Variants in GALNT18 observed in about 807,000 individuals in gnomAD.
The protein encoded by GALNT18 is polypeptide N-acetylgalactosaminyltransferase 18.
A neutral mutation model predicts 69.5 loss-of-function variants in GALNT18; 44 were observed. The ratio of observed to expected loss-of-function variants is 0.63; its 90% CI spans 0.50 to 0.81. The LOEUF (loss-of-function observed/expected upper bound fraction) is 0.81, where lower values mean the gene tolerates loss of function less well. GALNT18 is among the 40% of genes least tolerant of loss of function. The pLI is 0.00. For synonymous variants in GALNT18, 364 were observed against 318.2 expected, an observed-to-expected ratio of 1.14 and a Z score of -1.53; for missense variants, 715 against 810.0, an observed-to-expected ratio of 0.88 and a Z score of 1.42.
At chr11:11,478,519 A>T (rs4910356) in intron 1 of GALNT18, among the ~76,000 whole-genome samples, 1 of 152,074 alleles carries the variant, frequency 6.6e-6, no homozygotes, top group Non-Finnish European at 1.5e-5. Context: ...GCACCGAGGC[A>T]GGCCTGAGCA....
intron 3 of GALNT18, among the ~76,000 whole-genome samples, chr11:11,409,240 T>C (rs1854670610): frequency 6.6e-6 from 1 of 152,042 alleles, no homozygotes; most frequent in Non-Finnish European, 1.5e-5. Flanking sequence ...TCTCCCCAGC[T>C]CCCTGCTCAG....
chr11:11,327,326 A>G (rs554894051), intron 8 of GALNT18, 145 bp from the exon 9 acceptor site: 93 of 641,086 alleles, frequency 1.5e-4, no homozygotes, highest in African/African-American at 1.3e-3. Context: ...AGAACCAACA[A>G]GCACCAGCTT....
At position 11,300,611 on chromosome 11, in the gene GALNT18, T is replaced by C. The variant is rs570524295; in HGVS notation, c.1513-7418A>G. 5.9e-5 allele frequency among the ~76,000 whole-genome samples: 9 copies of C among 152,160 alleles called. No homozygotes were observed. In the South Asian group the frequency reaches 1.9e-3, roughly 32 times the overall value. ...TTAAGAGTCACACATAATGGGGTGA[T>C]TGCAAACTTTTACGATTGGACGGTT... is the stretch of plus-strand genomic sequence containing the variant. On this transcript the variant is annotated intron_variant, in intron 9 of 10. Transcript: ENST00000227756.
At chr11:11,532,262 G>T (rs1390791896) in intron 1 of GALNT18, among the ~76,000 whole-genome samples, 1 of 152,172 alleles carries the variant, frequency 6.6e-6, no homozygotes, top group Non-Finnish European at 1.5e-5. Context: ...ATCATTCATT[G>T]AGTACCTGAG....
In GALNT18 at chr11:11,618,512, A is replaced by C. The variant is rs1860113552; in HGVS notation, c.235+2847T>G. Among the ~76,000 whole-genome samples the C allele has an allele frequency of 6.6e-6, 1 of 152,194 alleles. No individual in the cohort carries two copies. The highest frequency in any genetic ancestry group is 1.5e-5 in the Non-Finnish European group (1 of 68,028). ...AAGGCTGCTGACTCCCTCACCCCTC[A>C]GCCATCCTCTGACACCCACTTCCAC... is the stretch of plus-strand genomic sequence containing the variant. On this transcript the variant is annotated intron_variant, in intron 1 of 10. Transcript: ENST00000227756. This position sits in a 1 kb window ranked among gnomAD's most constrained non-coding sequence, Gnocchi z 6.1.
rs16909410 is a variant in GALNT18, at chr11:11,315,455, T to C, written c.1512+11631A>G. ...TACGTTAGGCATGGGTCTTCATGGA[T>C]TCTCAAAGGGCTGCTGGAATGAAGG... On this transcript the variant is annotated intron_variant, in intron 9 of 10. Transcript: ENST00000227756. This position sits in a 1 kb window ranked among gnomAD's most constrained non-coding sequence, Gnocchi z 5.6. Among the ~76,000 whole-genome samples, 8,383 of 152,272 alleles carry C rather than the reference T, an allele frequency of 0.055. 286 individuals carry two copies. Among genetic ancestry groups the C allele is most frequent in the Middle Eastern group, 0.078 (23 of 294 alleles).
chr11:11,578,715 G>A (rs1375638931), intron 1 of GALNT18, among the ~76,000 whole-genome samples: 1 of 152,238 alleles, frequency 6.6e-6, no homozygotes, highest in Non-Finnish European at 1.5e-5. Flanking sequence ...CTGTGCGCAG[G>A]ACAAATGGGC....
At chr11:11,365,948 A>C (rs1000397901) in intron 6 of GALNT18, among the ~76,000 whole-genome samples, 4 of 152,190 alleles carry the variant, frequency 2.6e-5, no homozygotes, top group African/African-American at 7.2e-5. Flanking sequence ...TATGTACATA[A>C]ACCTAGATTT....
At chr11:11,284,908 G>GTTTTTTTGTTTTT (rs1849162154) in intron 10 of GALNT18, among the ~76,000 whole-genome samples, 1 of 82,822 alleles carries the variant, frequency 1.2e-5, no homozygotes, top group Non-Finnish European at 2.1e-5. Context: ...AGACTTTCGT[G>GTTTTTTTGTTTTT]TTTTTTTTTT....
Position 11,573,508 on chromosome 11 carries a change from T to C in GALNT18, c.235+47851A>G, listed in dbSNP as rs1409610897. 6.6e-6 allele frequency: 1 copy of C among 152,176 alleles called. No homozygotes were observed. Among genetic ancestry groups the C allele is most frequent in the East Asian group, 1.9e-4 (1 of 5,182 alleles). The allele number at this position is 152,176 out of a possible 1,614,324, so 9.4% of individuals were successfully genotyped here. On this transcript the variant is annotated intron_variant, in intron 1 of 10. Transcript: ENST00000227756. The surrounding 1 kb of genome is among the most constrained non-coding windows in gnomAD (Gnocchi z 4.6). ...AGCAACCATGCCAGACTAGGTCTTA[T>C]TTTCCTTATTTTACAGATGCAGAAC...
chr11:11,291,620 C>T (rs1307143946), intron 10 of GALNT18, among the ~76,000 whole-genome samples: 1 of 150,626 alleles, frequency 6.6e-6, no homozygotes, highest in East Asian at 1.9e-4. Context: ...ACCCCCGACA[C>T]TTTGCAGGGT....
At chr11:11,437,097 C>G (rs927506955) in intron 2 of GALNT18, among the ~76,000 whole-genome samples, 1 of 152,148 alleles carries the variant, frequency 6.6e-6, no homozygotes, top group African/African-American at 2.4e-5. Context: ...ATGTCTGCCT[C>G]TGCACTTGCC....
chr11:11,360,975 A>G (rs1850632576), intron 6 of GALNT18, among the ~76,000 whole-genome samples: 1 of 152,224 alleles, frequency 6.6e-6, no homozygotes, highest in South Asian at 2.1e-4. Context: ...GAAAGTCCTC[A>G]AAGTCAAAAT....
chr11:11,280,823 C>A (rs1287338988), intron 10 of GALNT18, among the ~76,000 whole-genome samples: 1 of 152,162 alleles, frequency 6.6e-6, no homozygotes, highest in Non-Finnish European at 1.5e-5. Context: ...TGAAGCACAG[C>A]CTCAAGTTGT....
At chr11:11,447,641 G>A (rs886994435) in intron 2 of GALNT18, among the ~76,000 whole-genome samples, 8 of 152,172 alleles carry the variant, frequency 5.3e-5, no homozygotes, top group Non-Finnish European at 1.2e-4. Context: ...ATGGTGGAAG[G>A]CACCTCCTCA....
chr11:11,275,544 C>A (rs1055537451), intron 10 of GALNT18, among the ~76,000 whole-genome samples: 1 of 152,182 alleles, frequency 6.6e-6, no homozygotes, highest in East Asian at 1.9e-4. Context: ...TAATTAGATC[C>A]CATTTGTCAA....
chr11:11,343,472 C>T (rs1850247541), intron 6 of GALNT18, among the ~76,000 whole-genome samples: 1 of 152,184 alleles, frequency 6.6e-6, no homozygotes, highest in Non-Finnish European at 1.5e-5. Context: ...GAAGAGCCAA[C>T]ACTTCCCCCA....
chr11:11,565,018 C>T (rs1858608392), intron 1 of GALNT18, among the ~76,000 whole-genome samples: 1 of 152,166 alleles, frequency 6.6e-6, no homozygotes, highest in Admixed American at 6.5e-5. Flanking sequence ...ACTCGGGGTG[C>T]CAGGGATACA....
intron 9 of GALNT18, among the ~76,000 whole-genome samples, chr11:11,317,224 A>C (rs1849772074): frequency 6.6e-6 from 1 of 152,202 alleles, no homozygotes; most frequent in Non-Finnish European, 1.5e-5. Flanking sequence ...GCCTTCTCTG[A>C]GACCTGGGAA....
Sources: gnomAD v4.1 joint callset for allele counts (sites outside exome capture counted in the v4.1 genomes callset) on GRCh38, gnomAD v4.1.1 for gene constraint, Gnocchi (gnomAD v3.1) non-coding constraint, MANE v1.5 for transcripts, NCBI Gene and HGNC (gene_info 2026-07-23, HGNC 2026-07-21) for gene names.